The following TNS2 variants were observed in gnomAD, a reference collection of about 807,000 sequenced individuals.
TNS2 encodes the protein tensin 2.
A neutral mutation model predicts 155.7 loss-of-function variants in TNS2; 77 were observed. The ratio of observed to expected loss-of-function variants is 0.49; its 90% CI spans 0.41 to 0.60. The LOEUF (loss-of-function observed/expected upper bound fraction) is 0.60, where lower values mean the gene tolerates loss of function less well. Ranked by LOEUF, TNS2 falls within the 20% of genes least tolerant of loss-of-function variation. TNS2 has a pLI of 0.00. For synonymous variants in TNS2, 726 were observed against 763.9 expected (o/e 0.95, Z 0.82); for missense variants, 1,703 against 1,868.8 (o/e 0.91, Z 1.64).
At chr12:53,055,373 A>G (rs995902417) in intron 8 of TNS2, 137 bp downstream of exon 8, 2 of 1,158,602 alleles carry the variant, frequency 1.7e-6, no homozygotes, top group Non-Finnish European at 2.5e-6. Context: ...ATGATATATT[A>G]CTGGAGACAC....
Position 53,061,191 on chromosome 12 carries a change from A to C in TNS2, c.3285A>C (p.Ser1095=), listed in dbSNP as rs545398359. The C allele has an allele frequency of 6.3e-7, 1 of 1,586,720 alleles. No individual in the cohort carries two copies. The highest frequency in any genetic ancestry group is 2.2e-5 in the East Asian group (1 of 44,734). The stretch of plus-strand genomic sequence containing the variant: ...GACCCTGGGGCCCAGAGCAGGCATC[A>C]TCGCCAGCCAGAGGCATCAGTCACC... ...QPGPWGPEQA[S]SPARGISHHV... The change falls in exon 20 of 29, where the codon TCA becomes TCC. Residue 1095 remains serine (S), a synonymous_variant. Coordinates refer to ENST00000314250, the MANE Select transcript of TNS2 (RefSeq NM_170754.4).
intron 13 of TNS2, 47 bp from the exon 14 acceptor site, chr12:53,057,980 A>G: frequency 6.2e-7 from 1 of 1,612,822 alleles, no homozygotes; most frequent in Non-Finnish European, 8.5e-7. Flanking sequence ...CTGCCTCTGC[A>G]CGCAGGAGCT....
In TNS2 at chr12:53,050,269, G is replaced by A; in HGVS notation, c.75+9G>A. On this transcript the variant is annotated intron_variant, in intron 1 of 28. Coordinates refer to ENST00000314250, the MANE Select transcript of TNS2 (RefSeq NM_170754.4). This position sits in a 1 kb window ranked among gnomAD's most constrained non-coding sequence, Gnocchi z 4.7. ...GCCGGGCCGCAAGCAGGGTAGGAGTGCCCACCAGCTGGGCAAAAGAGGGGC... is the reference window on the plus strand; with the variant it reads ...GCCGGGCCGCAAGCAGGGTAGGAGTACCCACCAGCTGGGCAAAAGAGGGGC... 1.9e-6 allele frequency: 3 copies of A among 1,598,800 alleles called. No individual in the cohort carries two copies. The highest frequency in any genetic ancestry group is 2.6e-6 in the Non-Finnish European group (3 of 1,173,116).
At chr12:53,053,238 G>A in intron 3 of TNS2, 173 bp from the exon 4 acceptor site, 2 of 713,082 alleles carry the variant, frequency 2.8e-6, no homozygotes, top group East Asian at 5.5e-5. Context: ...TGGGGGGTGG[G>A]GGACCAAGAG....
Position 53,053,577 on chromosome 12 carries a change from A to G in TNS2, c.261+128A>G, listed in dbSNP as rs751816827. ...GAGTGCTGTGGGTATTGCTCATCCT[A>G]TGAGGAAAGAAAAAACTGTCTGAGT... On this transcript the variant is annotated intron_variant, in intron 4 of 28. Transcript: ENST00000314250. The G allele has an allele frequency of 2.1e-5, 30 of 1,405,346 alleles. 1 individual carries two copies. In the Middle Eastern group the frequency reaches 5.4e-4, roughly 25 times the overall value. 87.1% of individuals were successfully genotyped at this position (1,405,346 alleles called of 1,614,324 possible). A position where few individuals can be genotyped will look rare whatever the true frequency, so the allele number is the denominator to read the frequency against.
At position 53,050,785 on chromosome 12, in the gene TNS2, G is replaced by A. The variant is rs1943903026; in HGVS notation, c.75+525G>A. Among the ~76,000 whole-genome samples the A allele has an allele frequency of 6.6e-6, 1 of 152,204 alleles. No homozygotes were observed. Among genetic ancestry groups the A allele is most frequent in the African/African-American group, 2.4e-5 (1 of 41,452 alleles). The stretch of plus-strand genomic sequence containing the variant: ...GGTCCCACAAAGTTGATCCAGCCCA[G>A]AAGAGTTGCAGGGACAGTCAAGAAA... On this transcript the variant is annotated intron_variant, in intron 1 of 28. Coordinates refer to ENST00000314250, the MANE Select transcript of TNS2 (RefSeq NM_170754.4). The surrounding 1 kb of genome is among the most constrained non-coding windows in gnomAD (Gnocchi z 4.7).
intron 17 of TNS2, 100 bp from the exon 18 acceptor site, chr12:53,058,947 G>C (rs866414026): frequency 1.4e-5 from 21 of 1,549,450 alleles, no homozygotes; most frequent in Non-Finnish European, 1.7e-5. Flanking sequence ...AGACACCCCC[G>C]GCCCGACAGC....
rs377288328 is a variant in TNS2, at chr12:53,055,675, C to G, written c.681C>G (p.Val227=). ...TCAGTGCTGACCCACAGCACGTGGT[C>G]GTACTATACTGCAAGGTGGGCCAGG... The part of the protein sequence containing the change: ...TWLSADPQHV[V]VLYCKGNKGK... The change falls in exon 9 of 29, where the codon GTC becomes GTG. Residue 227 remains valine (V), a synonymous_variant. Transcript: ENST00000314250. The G allele has an allele frequency of 1.9e-5, 30 of 1,613,998 alleles. No homozygotes were observed. Among genetic ancestry groups the G allele is most frequent in the South Asian group, 1.5e-4 (14 of 91,054 alleles).
At position 53,063,552 on chromosome 12, in the gene TNS2, T is replaced by G; in HGVS notation, c.4062-11T>G. Reference sequence around the variant, plus strand: ...TGGGGTGTGCATCTTCACCTTCTTCTCCTTCTGCAGATGGACCAACCCAGA... The same window carrying G: ...TGGGGTGTGCATCTTCACCTTCTTCGCCTTCTGCAGATGGACCAACCCAGA... On this transcript the variant is annotated splice_polypyrimidine_tract_variant and intron_variant, in intron 27 of 28. Transcript: ENST00000314250. This position sits in a 1 kb window ranked among gnomAD's most constrained non-coding sequence, Gnocchi z 5.6. 1 of 1,609,526 alleles carries G rather than the reference T, an allele frequency of 6.2e-7. No homozygotes were observed. The highest frequency in any genetic ancestry group is 8.5e-7 in the Non-Finnish European group (1 of 1,178,514).
intron 13 of TNS2, 92 bp from the exon 14 acceptor site, chr12:53,057,935 A>G (rs769866493): frequency 2.5e-6 from 4 of 1,608,328 alleles, no homozygotes; most frequent in Non-Finnish European, 3.4e-6. Flanking sequence ...GGCAGGGCTC[A>G]GACTCTGGTC....
intron 10 of TNS2, chr12:53,056,058 T>C: frequency 1.8e-6 from 1 of 550,236 alleles, no homozygotes. Context: ...CAGGGTGGTG[T>C]AAAACAGTGG....
rs749165959 is a variant in TNS2 at position 53,054,402 on chromosome 12, G to C, written c.483G>C (p.Leu161=). Residue 161 remains leucine, a synonymous_variant, in exon 7 of 29, where the codon CTG becomes CTC. Coordinates refer to ENST00000314250, the MANE Select transcript of TNS2 (RefSeq NM_170754.4). ...EQRHRGHLRE[L]AHVLQSKHRD... is the part of the protein sequence containing the mutation. Reference sequence around the variant, plus strand: ...GGCACCGGGGCCACCTGCGCGAGCTGGCCCATGTGCTGCAATCCAAGCACC... The same window carrying C: ...GGCACCGGGGCCACCTGCGCGAGCTCGCCCATGTGCTGCAATCCAAGCACC... The C allele has an allele frequency of 6.2e-7, 1 of 1,608,424 alleles. No homozygotes were observed. Among genetic ancestry groups the C allele is most frequent in the Non-Finnish European group, 8.5e-7 (1 of 1,178,714 alleles).
rs777519416 is a variant in TNS2 at position 53,061,056 on chromosome 12, G to C, written c.3150G>C (p.Gln1050His). ...TTGTGGCCAGCCCAGAGCCGCCTCA[G>C]AGCTCACCTACACCTGCTTTCCCCC... ...PWLVASPEPPQSSPTPAFPLA... is the reference protein window; with the variant it reads ...PWLVASPEPPHSSPTPAFPLA... Residue 1050 changes from glutamine to histidine, a missense_variant, in exon 20 of 29, where the codon CAG becomes CAC. By Grantham distance (24) the Gln-to-His change is conservative. Transcript: ENST00000314250. 1 of 1,613,682 alleles carries C rather than the reference G, an allele frequency of 6.2e-7. No individual in the cohort carries two copies. Among genetic ancestry groups the C allele is most frequent in the South Asian group, 1.1e-5 (1 of 91,044 alleles).
In TNS2 at chr12:53,059,796, A is replaced by G. The variant is rs1944313806; in HGVS notation, c.2155A>G (p.Ser719Gly). 6.2e-7 allele frequency: 1 copy of G among 1,612,372 alleles called. No homozygotes were observed. The highest frequency in any genetic ancestry group is 1.3e-5 in the African/African-American group (1 of 74,894). The change falls in exon 18 of 29, where the codon AGT becomes GGT. Residue 719 changes from serine (S) to glycine (G), a missense_variant. Ser to Gly is a moderately conservative substitution (Grantham distance 56). Transcript: ENST00000314250. The surrounding 1 kb of genome is among the most constrained non-coding windows in gnomAD (Gnocchi z 4.7). The stretch of plus-strand genomic sequence containing the variant: ...GAGGGAGGCTGGAGAAGGGTGGGCA[A>G]GTGAGGCTGGCAAGCCTCTCCTGCA... The part of the protein sequence containing the change: ...LEREAGEGWA[S>G]EAGKPLLHPV...
chr12:53,062,971 A>G (rs1334476886), intron 25 of TNS2, 118 bp from the exon 26 acceptor site: 36 of 1,364,708 alleles, frequency 2.6e-5, no homozygotes, highest in Non-Finnish European at 3.3e-5. Context: ...TGCCTTTTTA[A>G]CAAGTCACCT....
At chr12:53,053,534 A>T (rs1944019424) in intron 4 of TNS2, 85 bp downstream of exon 4, 4 of 1,558,738 alleles carry the variant, frequency 2.6e-6, no homozygotes, top group Non-Finnish European at 3.5e-6. Context: ...GAGGGCCCCC[A>T]GGAGATGACC....
At position 53,060,094 on chromosome 12, in the gene TNS2, A is replaced by G. The variant is rs922519351; in HGVS notation, c.2453A>G (p.Tyr818Cys). The change falls in exon 18 of 29, where the codon TAT (tyrosine) becomes TGT (cysteine). Residue 818 changes from tyrosine (Y) to cysteine (C), a missense_variant. Tyr to Cys is a radical substitution (Grantham distance 194). Transcript: ENST00000314250. This position sits in a 1 kb window ranked among gnomAD's most constrained non-coding sequence, Gnocchi z 6.1. Reference sequence around the variant, plus strand: ...GGCTCTCCAGGAGAGGGCAGAGGGTATCCCAGCCCTGGTGCCCACTCCCCA... The same window carrying G: ...GGCTCTCCAGGAGAGGGCAGAGGGTGTCCCAGCCCTGGTGCCCACTCCCCA... ...SCGSPGEGRGYPSPGAHSPRA... is the reference protein window; with the variant it reads ...SCGSPGEGRGCPSPGAHSPRA... 6.2e-7 allele frequency: 1 copy of G among 1,611,274 alleles called. No individual in the cohort carries two copies. The highest frequency in any genetic ancestry group is 2.2e-5 in the East Asian group (1 of 44,830).
rs370724710 is a variant in TNS2 at position 53,058,566 on chromosome 12, C to A, written c.1226-6C>A. 8 of 1,613,972 alleles carry A rather than the reference C, an allele frequency of 5.0e-6. No individual in the cohort carries two copies. The highest frequency in any genetic ancestry group is 6.8e-6 in the Non-Finnish European group (8 of 1,180,004). On this transcript the variant is annotated splice_polypyrimidine_tract_variant and splice_region_variant and intron_variant, in intron 15 of 28. Coordinates refer to ENST00000314250, the MANE Select transcript of TNS2 (RefSeq NM_170754.4). ...GGCCTGGTTCTTCACTGTCCACTCC[C>A]CATAGATGAGAGGTTCCCCTTCCAA...
chr12:53,062,332 G>A lies in TNS2; in HGVS notation c.3668-44G>A, dbSNP rs201222053. On this transcript the variant is annotated intron_variant, in intron 23 of 28. Transcript: ENST00000314250. ...TCAGGAGGATGGAAGGGAAAGGCGG[G>A]GCACCCTGGGCATCTCGGGACTTTC... 687 of 1,613,166 alleles carry A rather than the reference G, an allele frequency of 4.3e-4. 1 individual carries two copies. The highest frequency in any genetic ancestry group is 1.0e-3 in the African/African-American group (75 of 74,964).
Sources: allele counts gnomAD v4.1 joint callset (sites outside exome capture counted in the v4.1 genomes callset), GRCh38; gene constraint gnomAD v4.1.1; non-coding constraint Gnocchi (gnomAD v3.1); transcripts MANE v1.5; gene names NCBI Gene and HGNC (gene_info 2026-07-23, HGNC 2026-07-21).